JMJD1C: variants seen among roughly 807,000 people sequenced by gnomAD.
JMJD1C encodes the protein jumonji domain-containing protein 1C.
JMJD1C carries 31 observed loss-of-function variants against 245.3 expected under a neutral mutation model. That is an observed-to-expected ratio of 0.13 (90% CI 0.09 to 0.17). The LOEUF (loss-of-function observed/expected upper bound fraction) is 0.17. Ranked by LOEUF, JMJD1C falls within the 10% of genes least tolerant of loss-of-function variation. The probability of loss-of-function intolerance (pLI) is 1.00; values close to 1 mark genes in which losing one functional copy is unlikely to be tolerated. For synonymous variants in JMJD1C, 1,057 were observed against 1,017.4 expected (o/e 1.04, Z -0.74); for missense variants, 2,691 against 3,000.2 (o/e 0.90, Z 2.41).
chr10:63,304,761 AAGTCTAGGAAACTTAAAT>A (rs936697605), intron 2 of JMJD1C, among the ~76,000 whole-genome samples: 2 of 152,164 alleles, frequency 1.3e-5, no homozygotes, highest in Non-Finnish European at 2.9e-5. Flanking sequence ...TCTACATGCA[AAGTCTAGGAAACTTAAAT>A]ATAAATGTAT....
At chr10:63,481,759 GAA>G (rs1468913266) in intron 1 of JMJD1C, among the ~76,000 whole-genome samples, 1 of 152,062 alleles carries the variant, frequency 6.6e-6, no homozygotes, top group African/African-American at 2.4e-5. Context: ...AATCAGGAGA[GAA>G]AACAAACCCC....
chr10:63,316,632 G>C (rs1379036448), intron 2 of JMJD1C, among the ~76,000 whole-genome samples: 2 of 152,120 alleles, frequency 1.3e-5, no homozygotes, highest in African/African-American at 4.8e-5. Context: ...ATTTTTAGTA[G>C]AGATGGGGTT....
intron 2 of JMJD1C, among the ~76,000 whole-genome samples, chr10:63,295,970 T>TACAC (rs1336986260): frequency 1.6e-4 from 4 of 25,526 alleles, no homozygotes; most frequent in East Asian, 1.1e-3. Flanking sequence ...TGTGTGTGTG[T>TACAC]GTGTGTGTGT....
chr10:63,398,257 G>A (rs886602784), intron 1 of JMJD1C, among the ~76,000 whole-genome samples: 16 of 151,842 alleles, frequency 1.1e-4, no homozygotes, highest in African/African-American at 1.5e-4. Context: ...GCTTCCCCAG[G>A]TCACCCAACC....
rs1947112239 is a variant in JMJD1C at position 63,380,280 on chromosome 10, C to A, written c.333+38G>T. ...GTTGTTGTTCTTTGTTTTAAACGAA[C>A]AAATGAAAATGCTTAATGAAACAGG... is the stretch of plus-strand genomic sequence containing the variant. On this transcript the variant is annotated intron_variant, in intron 2 of 25. Transcript: ENST00000399262. 2.5e-6 allele frequency: 4 copies of A among 1,605,554 alleles called. No individual in the cohort carries two copies. The South Asian group carries it at 4.4e-5, about 18-fold the overall frequency.
At chr10:63,350,200 G>A (rs1435689672) in intron 2 of JMJD1C, among the ~76,000 whole-genome samples, 2 of 152,154 alleles carry the variant, frequency 1.3e-5, no homozygotes, top group African/African-American at 4.8e-5. Flanking sequence ...CATGAGATAA[G>A]TGACTTGTGT....
chr10:63,422,574 CAT>C (rs1950185309), intron 1 of JMJD1C, among the ~76,000 whole-genome samples: 1 of 152,164 alleles, frequency 6.6e-6, no homozygotes, highest in African/African-American at 2.4e-5. Context: ...TAATTCTAAT[CAT>C]ATATATTCAA....
chr10:63,171,240 C>T (rs1172539795), intron 24 of JMJD1C, among the ~76,000 whole-genome samples: 1 of 151,734 alleles, frequency 6.6e-6, no homozygotes, highest in Non-Finnish European at 1.5e-5. Flanking sequence ...CAGAATACTA[C>T]AGCTGAGACA....
chr10:63,315,059 T>C (rs997913568), intron 2 of JMJD1C, among the ~76,000 whole-genome samples: 3 of 151,248 alleles, frequency 2.0e-5, no homozygotes, highest in Non-Finnish European at 4.4e-5. Flanking sequence ...ATTCAAGAGA[T>C]TGCCCTGCCT....
chr10:63,333,191 A>C (rs1341410289), intron 2 of JMJD1C, among the ~76,000 whole-genome samples: 5 of 152,170 alleles, frequency 3.3e-5, no homozygotes, highest in South Asian at 2.1e-4. Context: ...CATGATACAA[A>C]ATTTTTAAAA....
At chr10:63,341,451 C>T (rs139251446) in intron 2 of JMJD1C, among the ~76,000 whole-genome samples, 3 of 152,286 alleles carry the variant, frequency 2.0e-5, no homozygotes, top group Non-Finnish European at 4.4e-5. Context: ...TGTTGGGATA[C>T]GTTAATACAA....
At chr10:63,406,509 A>T (rs1949180032) in intron 1 of JMJD1C, among the ~76,000 whole-genome samples, 1 of 152,150 alleles carries the variant, frequency 6.6e-6, no homozygotes, top group African/African-American at 2.4e-5. Context: ...GTTTAAAGGC[A>T]TAAAAAAAGA....
chr10:63,348,589 T>G (rs1589547031), intron 2 of JMJD1C, among the ~76,000 whole-genome samples: 1 of 152,158 alleles, frequency 6.6e-6, no homozygotes, highest in Admixed American at 6.5e-5. Flanking sequence ...AATAAGGATG[T>G]TGTGAAGATT....
chr10:63,503,591 C>T (rs931310040), intron 1 of JMJD1C, among the ~76,000 whole-genome samples: 5 of 152,154 alleles, frequency 3.3e-5, no homozygotes, highest in African/African-American at 1.2e-4. Context: ...CTCTGAATAC[C>T]ACACTCACAA....
chr10:63,498,696 G>A (rs1954438885), intron 1 of JMJD1C, among the ~76,000 whole-genome samples: 1 of 151,976 alleles, frequency 6.6e-6, no homozygotes, highest in South Asian at 2.1e-4. Flanking sequence ...AGTTTTCTAG[G>A]ACTCCTATTT....
At chr10:63,432,691 A>G (rs1950828997) in intron 1 of JMJD1C, among the ~76,000 whole-genome samples, 1 of 152,238 alleles carries the variant, frequency 6.6e-6, no homozygotes, top group Non-Finnish European at 1.5e-5. Context: ...GTTAATTGGC[A>G]TTGAGGAAAA....
At chr10:63,324,211 G>T (rs1941260313) in intron 2 of JMJD1C, among the ~76,000 whole-genome samples, 1 of 151,242 alleles carries the variant, frequency 6.6e-6, no homozygotes, top group South Asian at 2.1e-4. Context: ...GTATCCTGTG[G>T]CCCAGTCATG....
chr10:63,464,596 G>A (rs904445042), intron 1 of JMJD1C, among the ~76,000 whole-genome samples: 3 of 152,010 alleles, frequency 2.0e-5, no homozygotes, highest in Non-Finnish European at 4.4e-5. Flanking sequence ...CTGTCCCTCA[G>A]TGAGAATGTA....
chr10:63,292,144 A>ATGTTTTTTTTTTTTTTTTTT (rs1858836436), intron 2 of JMJD1C, among the ~76,000 whole-genome samples: 1 of 56,326 alleles, frequency 1.8e-5, no homozygotes, highest in Non-Finnish European at 3.2e-5. Context: ...GTAGAGACAG[A>ATGTTTTTTTTTTTTTTTTTT]TTTTTTTTTT....
Sources: allele counts gnomAD v4.1 joint callset (sites outside exome capture counted in the v4.1 genomes callset), GRCh38; gene constraint gnomAD v4.1.1; transcripts MANE v1.5; gene names NCBI Gene and HGNC (gene_info 2026-07-23, HGNC 2026-07-21).